Variants in SDK1 observed in about 807,000 individuals in gnomAD.
The protein encoded by SDK1 is protein sidekick-1.
A neutral mutation model predicts 245.5 loss-of-function variants in SDK1; 157 were observed. The ratio of observed to expected loss-of-function variants is 0.64; its 90% CI spans 0.56 to 0.73. The LOEUF (loss-of-function observed/expected upper bound fraction) is 0.73, where lower values mean the gene tolerates loss of function less well. Ranked by LOEUF, SDK1 falls within the 30% of genes least tolerant of loss-of-function variation. The probability of loss-of-function intolerance (pLI) is 0.00; values close to 1 mark genes in which losing one functional copy is unlikely to be tolerated. For synonymous variants in SDK1, 1,647 were observed against 1,278.5 expected (o/e 1.29, Z -6.15); for missense variants, 3,583 against 3,002.3 (o/e 1.19, Z -4.52).
intron 5 of SDK1, among the ~76,000 whole-genome samples, chr7:3,925,200 C>T (rs926934158): frequency 6.6e-6 from 1 of 152,036 alleles, no homozygotes; most frequent in Non-Finnish European, 1.5e-5. Flanking sequence ...CACCCCCTGC[C>T]ATTGGGAACT....
chr7:4,208,322 T>A (rs754774681), intron 37 of SDK1, 37 bp downstream of exon 37: 2 of 1,588,638 alleles, frequency 1.3e-6, no homozygotes, highest in Non-Finnish European at 1.7e-6. Flanking sequence ...GCAGGCCTCC[T>A]TGGACACGTG....
At chr7:3,978,076 C>T (rs28496748) in intron 13 of SDK1, among the ~76,000 whole-genome samples, 1 of 151,818 alleles carries the variant, frequency 6.6e-6, no homozygotes, top group Non-Finnish European at 1.5e-5. Flanking sequence ...CCTTTCGGGT[C>T]TCAGACAGAG....
intron 17 of SDK1, among the ~76,000 whole-genome samples, chr7:4,034,728 C>T (rs1293224212): frequency 2.0e-5 from 3 of 152,140 alleles, no homozygotes; most frequent in Admixed American, 6.5e-5. Flanking sequence ...CAAGCCTATT[C>T]GCTGCAACAC....
chr7:3,709,745 T>C lies in SDK1; in HGVS notation c.713+67640T>C, dbSNP rs190806036. ...TAAAGTAAAATCCTTTTCTTGAAATTGGGCTTTTGAAACATTTGCCTAGGT... is the reference window on the plus strand; with the variant it reads ...TAAAGTAAAATCCTTTTCTTGAAATCGGGCTTTTGAAACATTTGCCTAGGT... On this transcript the variant is annotated intron_variant, in intron 4 of 44. Coordinates refer to ENST00000404826, the MANE Select transcript of SDK1 (RefSeq NM_152744.4). Among the ~76,000 whole-genome samples, 47 of 152,360 alleles carry C rather than the reference T, an allele frequency of 3.1e-4. 1 individual carries two copies. Among genetic ancestry groups the C allele is most frequent in the African/African-American group, 1.1e-3 (44 of 41,592 alleles).
Position 3,566,175 on chromosome 7 carries a change from A to C in SDK1, c.299-52905A>C, listed in dbSNP as rs575077534. Among the ~76,000 whole-genome samples, 24 of 152,016 alleles carry C rather than the reference A, an allele frequency of 1.6e-4. No individual in the cohort carries two copies. The East Asian group carries it at 4.3e-3, about 27-fold the overall frequency. On this transcript the variant is annotated intron_variant, in intron 1 of 44. Coordinates refer to ENST00000404826, the MANE Select transcript of SDK1 (RefSeq NM_152744.4). ...AGTTCTTCACAAAATATTTAAAATT[A>C]AACCCCAGCATTTTTATTGTATGTT... is the stretch of plus-strand genomic sequence containing the variant.
chr7:3,909,265 G>T (rs1779068120), intron 5 of SDK1, among the ~76,000 whole-genome samples: 1 of 152,170 alleles, frequency 6.6e-6, no homozygotes, highest in South Asian at 2.1e-4. Context: ...CTGCTCTCCA[G>T]CAGGCTCTCT....
chr7:4,156,218 G>T (rs1029952529), intron 30 of SDK1, among the ~76,000 whole-genome samples: 2 of 152,148 alleles, frequency 1.3e-5, no homozygotes, highest in Admixed American at 1.3e-4. Flanking sequence ...GAGCCAGTGG[G>T]GCTATGGTGG....
intron 1 of SDK1, among the ~76,000 whole-genome samples, chr7:3,385,893 G>A (rs1431804406): frequency 6.6e-6 from 1 of 151,902 alleles, no homozygotes; most frequent in African/African-American, 2.4e-5. Flanking sequence ...TCTGTCAGAT[G>A]TATAGGTTAG....
At chr7:3,769,263 A>G (rs796856395) in intron 4 of SDK1, among the ~76,000 whole-genome samples, 27 of 152,246 alleles carry the variant, frequency 1.8e-4, no homozygotes, top group African/African-American at 6.3e-4. Context: ...ACAGCTGTGG[A>G]GGCTGAAAGG....
chr7:3,906,874 C>A (rs1374258953), intron 5 of SDK1, among the ~76,000 whole-genome samples: 1 of 152,084 alleles, frequency 6.6e-6, no homozygotes, highest in Admixed American at 6.5e-5. Context: ...AGGCAATCCG[C>A]CCACCTCGGC....
intron 28 of SDK1, among the ~76,000 whole-genome samples, chr7:4,143,403 C>G (rs111471982): frequency 0.016 from 2,412 of 152,244 alleles, 65 homozygotes; most frequent in African/African-American, 0.055. Flanking sequence ...CAGGAGCAAC[C>G]AGGCATGGCT....
At chr7:4,051,013 CTA>C (rs1164056478) in intron 18 of SDK1, among the ~76,000 whole-genome samples, 7 of 138,462 alleles carry the variant, frequency 5.1e-5, no homozygotes, top group East Asian at 2.0e-4. Context: ...ATATAGTATA[CTA>C]TATGTGTATA....
intron 4 of SDK1, among the ~76,000 whole-genome samples, chr7:3,736,102 A>G (rs1392190805): frequency 1.3e-5 from 2 of 152,166 alleles, no homozygotes; most frequent in East Asian, 1.9e-4. Context: ...CTTATAAAAT[A>G]TATAATTTGC....
intron 1 of SDK1, among the ~76,000 whole-genome samples, chr7:3,313,173 C>A (rs536697579): frequency 6.6e-6 from 1 of 152,228 alleles, no homozygotes; most frequent in East Asian, 1.9e-4. Context: ...CTTTGGGAGG[C>A]CAAGGTGGGC....
chr7:4,020,114 C>T (rs1241186366), intron 17 of SDK1, among the ~76,000 whole-genome samples: 3 of 152,156 alleles, frequency 2.0e-5, no homozygotes, highest in East Asian at 1.9e-4. Flanking sequence ...GTGACAGTCT[C>T]GGAGACGCCG....
chr7:3,386,434 C>A (rs992610173), intron 1 of SDK1, among the ~76,000 whole-genome samples: 1 of 152,124 alleles, frequency 6.6e-6, no homozygotes, highest in Admixed American at 6.5e-5. Flanking sequence ...TTTTGTCAGA[C>A]TCTTGGAATC....
chr7:3,776,554 G>A (rs1440422548), intron 4 of SDK1, among the ~76,000 whole-genome samples: 2 of 152,136 alleles, frequency 1.3e-5, no homozygotes, highest in Non-Finnish European at 1.5e-5. Context: ...TTTGTTGTGA[G>A]GCGTAAATGA....
At chr7:4,235,987 A>G (rs1004723623) in intron 41 of SDK1, among the ~76,000 whole-genome samples, 1 of 152,260 alleles carries the variant, frequency 6.6e-6, no homozygotes, top group African/African-American at 2.4e-5. Flanking sequence ...GACTTGCCGC[A>G]TGGAGTACCA....
chr7:3,819,952 T>G (rs923016082), intron 4 of SDK1, among the ~76,000 whole-genome samples: 9 of 152,158 alleles, frequency 5.9e-5, no homozygotes, highest in Non-Finnish European at 1.2e-4. Flanking sequence ...TTTTAGATAA[T>G]CTGAATCTGA....
Sources: allele counts gnomAD v4.1 joint callset (sites outside exome capture counted in the v4.1 genomes callset), GRCh38; gene constraint gnomAD v4.1.1; transcripts MANE v1.5; gene names NCBI Gene and HGNC (gene_info 2026-07-23, HGNC 2026-07-21).